The following PMFBP1 variants were observed in gnomAD, a reference collection of about 807,000 sequenced individuals.
PMFBP1 encodes the protein polyamine-modulated factor 1-binding protein 1.
In PMFBP1, 131 loss-of-function variants were observed where a neutral mutation model predicts 137.8. The ratio of observed to expected loss-of-function variants is 0.95; its 90% confidence interval spans 0.82 to 1.10. PMFBP1 has a LOEUF of 1.10. Among genes scored for constraint, PMFBP1 ranks in the 50% least tolerant of loss-of-function variants. PMFBP1 has a pLI of 0.00. For synonymous variants in PMFBP1, 490 were observed against 450.4 expected (o/e 1.09, Z -1.11); for missense variants, 1,199 against 1,175.4 (o/e 1.02, Z -0.29).
In PMFBP1 at chr16:72,125,521, C is replaced by T. The variant is rs962100368; in HGVS notation, c.2254-116G>A. On this transcript the variant is annotated intron_variant, in intron 15 of 20. Coordinates refer to ENST00000237353, the MANE Select transcript of PMFBP1 (RefSeq NM_031293.3). ...TGTCCTCTGCCCAGGGTGACACGGA[C>T]GGTCACCTTGCCTAGTCTCCCAGAG... is the stretch of plus-strand genomic sequence containing the variant. 40 of 1,180,816 alleles carry T rather than the reference C, an allele frequency of 3.4e-5. 1 individual carries two copies. In the East Asian group the frequency reaches 5.0e-4, roughly 15 times the overall value. The allele number at this position is 1,180,816 out of a possible 1,614,324, so 73.1% of individuals were successfully genotyped here.
At chr16:72,204,503 A>G in the PMFBP1 span, among the ~76,000 whole-genome samples, 3 of 152,080 alleles carry the variant, frequency 2.0e-5, no homozygotes, top group Non-Finnish European at 4.4e-5. Context: ...ACACCTGGCC[A>G]TTGTGCACAT....
chr16:72,241,407 C>T, the PMFBP1 span, among the ~76,000 whole-genome samples: 5 of 152,174 alleles, frequency 3.3e-5, no homozygotes. Flanking sequence ...TTTCCTTCAG[C>T]TACCCTACTA....
At chr16:72,248,422 T>C in the PMFBP1 span, among the ~76,000 whole-genome samples, 1 of 152,246 alleles carries the variant, frequency 6.6e-6, no homozygotes, top group African/African-American at 2.4e-5. Context: ...GATATGGACC[T>C]GGGATAGGAA....
At position 72,119,284 on chromosome 16, in the gene PMFBP1, A is replaced by G; in HGVS notation, c.*54T>C. On this transcript the variant is annotated 3_prime_UTR_variant, in exon 21 of 21. Transcript: ENST00000237353. ...AAGAGAGAGGGAGGGCTGGGAACTC[A>G]CTGTCCTCTGAAGAAACACCCGTGG... is the stretch of plus-strand genomic sequence containing the variant. 3 of 1,575,452 alleles carry G rather than the reference A, an allele frequency of 1.9e-6. No individual in the cohort carries two copies. Among genetic ancestry groups the G allele is most frequent in the Non-Finnish European group, 2.6e-6 (3 of 1,144,980 alleles).
the PMFBP1 span, among the ~76,000 whole-genome samples, chr16:72,246,159 T>A: frequency 6.6e-6 from 1 of 152,204 alleles, no homozygotes; most frequent in Non-Finnish European, 1.5e-5. Flanking sequence ...GAAAAGTACA[T>A]TAACAGTATA....
chr16:72,229,777 G>C, the PMFBP1 span, among the ~76,000 whole-genome samples: 2 of 152,094 alleles, frequency 1.3e-5, no homozygotes, highest in African/African-American at 4.8e-5. Context: ...GTCCATTAGG[G>C]TTTGCTATTT....
chr16:72,139,480 T>A, intron 6 of PMFBP1, 81 bp from the exon 7 acceptor site: 1 of 1,079,616 alleles, frequency 9.3e-7, no homozygotes, highest in Non-Finnish European at 1.4e-6. Flanking sequence ...AGAGTGTTCC[T>A]TTCTGCAGCA....
intron 10 of PMFBP1, among the ~76,000 whole-genome samples, chr16:72,131,997 C>G (rs1229012019): frequency 2.6e-5 from 4 of 152,122 alleles, no homozygotes; most frequent in Non-Finnish European, 4.4e-5. Context: ...AGGTGCCCAC[C>G]ACCATGCCTG....
chr16:72,238,286 T>G, the PMFBP1 span, among the ~76,000 whole-genome samples: 2 of 152,342 alleles, frequency 1.3e-5, no homozygotes, highest in Non-Finnish European at 2.9e-5. Flanking sequence ...TAGTGTTCCT[T>G]TTTCTCCACA....
chr16:72,142,365 T>C (rs1206271209), intron 5 of PMFBP1, among the ~76,000 whole-genome samples: 1 of 152,132 alleles, frequency 6.6e-6, no homozygotes, highest in East Asian at 1.9e-4. Context: ...AATGTAGATC[T>C]TCAGACTAAA....
At chr16:72,238,259 C>T in the PMFBP1 span, among the ~76,000 whole-genome samples, 1 of 152,208 alleles carries the variant, frequency 6.6e-6, no homozygotes, top group African/African-American at 2.4e-5. Context: ...CTAATTTACA[C>T]TTCCACCAAC....
chr16:72,198,015 G>C, the PMFBP1 span, among the ~76,000 whole-genome samples: 3 of 152,150 alleles, frequency 2.0e-5, no homozygotes, highest in Non-Finnish European at 4.4e-5. Context: ...ATCATTCTTC[G>C]TTGGGGGCAC....
the PMFBP1 span, among the ~76,000 whole-genome samples, chr16:72,232,083 G>C: frequency 6.6e-6 from 1 of 152,154 alleles, no homozygotes; most frequent in African/African-American, 2.4e-5. Flanking sequence ...AACAATGGTT[G>C]TGTGGATTAA....
chr16:72,155,909 G>A (rs2042973653), intron 3 of PMFBP1, among the ~76,000 whole-genome samples: 1 of 151,900 alleles, frequency 6.6e-6, no homozygotes, highest in Non-Finnish European at 1.5e-5. Context: ...CTGCCTCTAT[G>A]GATTTTCTGC....
At chr16:72,157,707 T>C (rs761910466) in intron 3 of PMFBP1, among the ~76,000 whole-genome samples, 1 of 152,138 alleles carries the variant, frequency 6.6e-6, no homozygotes, top group Non-Finnish European at 1.5e-5. Flanking sequence ...CTCCCTGAGC[T>C]TTTATGAAGG....
intron 14 of PMFBP1, among the ~76,000 whole-genome samples, chr16:72,126,983 G>C (rs2042470264): frequency 6.6e-6 from 1 of 152,208 alleles, no homozygotes; most frequent in South Asian, 2.1e-4. Flanking sequence ...ACGACTATGA[G>C]TTACTGTCAC....
the PMFBP1 span, among the ~76,000 whole-genome samples, chr16:72,187,957 T>G: frequency 6.6e-6 from 1 of 152,256 alleles, no homozygotes; most frequent in Non-Finnish European, 1.5e-5. Context: ...CATGCTGTCA[T>G]TAACATGAAA....
intron 5 of PMFBP1, among the ~76,000 whole-genome samples, chr16:72,144,647 A>T (rs1597475292): frequency 6.6e-6 from 1 of 152,240 alleles, no homozygotes; most frequent in African/African-American, 2.4e-5. Flanking sequence ...ATAAAAATGC[A>T]AAATTATAAA....
At chr16:72,154,481 C>A (rs1567636900) in intron 3 of PMFBP1, 22 bp from the exon 4 acceptor site, 5 of 1,603,402 alleles carry the variant, frequency 3.1e-6, no homozygotes, top group Admixed American at 3.4e-5. Context: ...ACAGGATATA[C>A]AAAAAAGGCT....
Sources: gnomAD v4.1 joint callset for allele counts (sites outside exome capture counted in the v4.1 genomes callset) on GRCh38, gnomAD v4.1.1 for gene constraint, MANE v1.5 for transcripts, NCBI Gene and HGNC (gene_info 2026-07-23, HGNC 2026-07-21) for gene names.